STAP2: variants seen among roughly 807,000 people sequenced by gnomAD.
STAP2 encodes the protein signal transducing adaptor family member 2.
STAP2 carries 58 observed loss-of-function variants against 52.7 expected under a neutral mutation model. That is an observed-to-expected ratio of 1.10 (90% CI 0.89 to 1.37). STAP2 has a LOEUF of 1.37. STAP2 is among the 40% of genes most tolerant of loss of function. The pLI is 0.00. For missense variants in STAP2, 522 were observed against 519.4 expected (o/e 1.00, Z -0.05); for synonymous variants, 231 against 210.5 (o/e 1.10, Z -0.84).
chr19:4,332,211 T>C, intron 3 of STAP2, 133 bp from the exon 4 acceptor site: 1 of 598,330 alleles, frequency 1.7e-6, no homozygotes, highest in Non-Finnish European at 2.6e-6. Flanking sequence ...TTTTTTTTTT[T>C]TTTTTTTTTT....
rs1229833140 is a variant in STAP2 at position 4,327,308 on chromosome 19, A to G, written c.660+8T>C. 1.9e-6 allele frequency: 3 copies of G among 1,614,138 alleles called. No individual in the cohort carries two copies. The Admixed American group carries it at 5.0e-5, about 27-fold the overall frequency. Reference sequence around the variant, plus strand: ...AGTCACTTCTAGGGACTCTGGCCCAACGCTCACCGGCTGTTCCACATCGAT... The same window carrying G: ...AGTCACTTCTAGGGACTCTGGCCCAGCGCTCACCGGCTGTTCCACATCGAT... On this transcript the variant is annotated splice_region_variant and intron_variant, in intron 7 of 12. Transcript: ENST00000594605.
At chr19:4,336,315 T>C (rs924326904) in intron 1 of STAP2, among the ~76,000 whole-genome samples, 16 of 49,766 alleles carry the variant, frequency 3.2e-4, no homozygotes, top group Non-Finnish European at 5.6e-4. Flanking sequence ...GCACACTGCC[T>C]TTTTTTTTTT....
At position 4,327,002 on chromosome 19, in the gene STAP2, C is replaced by A. The variant is rs373184689; in HGVS notation, c.769G>T (p.Val257Leu). The change falls in exon 9 of 13, where the codon GTG becomes TTG. Residue 257 changes from valine (V) to leucine (L), a missense_variant. By Grantham distance (32) the Val-to-Leu change is conservative. Transcript: ENST00000594605. ...DEDYEKVLGY[V>L]EADKENGENV... ...TCGCCATTCTCCTTATCGGCTTCCA[C>A]GTAGCCTGGAACAGAGAGGGCGGCC... The A allele has an allele frequency of 1.9e-6, 3 of 1,561,112 alleles. No individual in the cohort carries two copies. Among genetic ancestry groups the A allele is most frequent in the Non-Finnish European group, 1.7e-6 (2 of 1,151,704 alleles).
intron 9 of STAP2, among the ~76,000 whole-genome samples, chr19:4,326,309 G>A (rs1014181855): frequency 4.6e-5 from 7 of 152,362 alleles, no homozygotes; most frequent in African/African-American, 1.7e-4. Flanking sequence ...CCGCACAAGT[G>A]TGTGTCACCT....
intron 7 of STAP2, 21 bp downstream of exon 7, chr19:4,327,295 G>A (rs762621476): frequency 6.2e-7 from 1 of 1,614,094 alleles, no homozygotes; most frequent in South Asian, 1.1e-5. Flanking sequence ...TCACTTCTAG[G>A]GACTCTGGCC....
In STAP2 at chr19:4,332,005, A is replaced by G. The variant is rs745744075; in HGVS notation, c.354+17T>C. The G allele has an allele frequency of 6.2e-7, 1 of 1,609,406 alleles. No individual in the cohort carries two copies. Among genetic ancestry groups the G allele is most frequent in the South Asian group, 1.1e-5 (1 of 90,120 alleles). On this transcript the variant is annotated intron_variant, in intron 4 of 12. Transcript: ENST00000594605. ...CTGGAGAATGGGAGAGAGGGCGCAG[A>G]GAGCCACTACTCTTACCTCCACCAC...
chr19:4,338,788 C>T lies in STAP2; in HGVS notation c.-35G>A. On this transcript the variant is annotated 5_prime_UTR_variant, in exon 1 of 13. Transcript: ENST00000594605. The stretch of plus-strand genomic sequence containing the variant: ...AGGGTCTTCCGCCTGGCCTCTCCTT[C>T]CAGTGGGTGCCCCAGCTGGGCCGGG... 6.3e-7 allele frequency: 1 copy of T among 1,589,020 alleles called. No homozygotes were observed. The highest frequency in any genetic ancestry group is 8.6e-7 in the Non-Finnish European group (1 of 1,164,078).
In STAP2 at chr19:4,333,956, T is replaced by TCCATTC; in HGVS notation, c.174+11_174+16dup. The TCCATTC allele has an allele frequency of 1.2e-6, 2 of 1,612,528 alleles. No homozygotes were observed. The highest frequency in any genetic ancestry group is 4.5e-5 in the East Asian group (2 of 44,852). The stretch of plus-strand genomic sequence containing the variant: ...TCAAGGGAAGGCCTGCTCTGGAGCC[T>TCCATTC]CCATTCCCATCCTTACCTGGAAGTC... On this transcript the variant is annotated intron_variant, in intron 2 of 12. Coordinates refer to ENST00000594605, the MANE Select transcript of STAP2 (RefSeq NM_001013841.2).
In STAP2 at chr19:4,324,472, G is replaced by A; in HGVS notation, c.1130C>T (p.Pro377Leu). The change falls in exon 12 of 13, where the codon CCT becomes CTT. Residue 377 changes from proline to leucine, a missense_variant. Transcript: ENST00000594605. ...CCCCTTACCGGCTGTGGGGAAGAGA[G>A]GCTGGGCTGAACTGACTGGCAGCTT... ...GRKLPVSSAQ[P>L]LFPTAGLADM... The A allele has an allele frequency of 6.4e-7, 1 of 1,574,166 alleles. No individual in the cohort carries two copies. The highest frequency in any genetic ancestry group is 8.6e-7 in the Non-Finnish European group (1 of 1,157,722).
At chr19:4,327,052 CG>C in intron 8 of STAP2, 45 bp from the exon 9 acceptor site, 1 of 1,599,308 alleles carries the variant, frequency 6.3e-7, no homozygotes, top group Non-Finnish European at 8.5e-7. Flanking sequence ...CGGCCAGGGG[CG>C]GCCCGGTCCG....
rs139570430 is a variant in STAP2 at position 4,325,515 on chromosome 19, G to A, written c.860C>T (p.Pro287Leu). ...GTCCTGGCTAGACGCAGGTGACAGC[G>A]GCTTGGGGCCACCTGTGCAGGGTGC... ...GPAPCTGGPK[P>L]LSPASSQDKL... Residue 287 changes from proline to leucine, a missense_variant, in exon 10 of 13, where the codon CCG (proline) becomes CTG (leucine). Transcript: ENST00000594605. 48 of 1,606,528 alleles carry A rather than the reference G, an allele frequency of 3.0e-5. No homozygotes were observed. The highest frequency in any genetic ancestry group is 3.7e-5 in the Non-Finnish European group (43 of 1,176,538).
chr19:4,329,091 C>T (rs1376830311), intron 5 of STAP2: 2 of 396,184 alleles, frequency 5.0e-6, no homozygotes, highest in Admixed American at 4.4e-5. Context: ...ACCTCCGCCT[C>T]CCGGGTTCAA....
In STAP2 at chr19:4,335,247, C is replaced by T. The variant is rs377348143; in HGVS notation, c.103-1203G>A. Among the ~76,000 whole-genome samples the T allele has an allele frequency of 8.6e-5, 13 of 151,870 alleles. No homozygotes were observed. In the East Asian group the frequency reaches 1.8e-3, roughly 20 times the overall value. ...ATCATCCATCCACCTACTCATCCATCCATCATCCATCCATGCATTCATCCA... is the reference window on the plus strand; with the variant it reads ...ATCATCCATCCACCTACTCATCCATTCATCATCCATCCATGCATTCATCCA... On this transcript the variant is annotated intron_variant, in intron 1 of 12. Transcript: ENST00000594605.
At chr19:4,337,169 T>C (rs1465389721) in intron 1 of STAP2, among the ~76,000 whole-genome samples, 1 of 151,484 alleles carries the variant, frequency 6.6e-6, no homozygotes, top group Non-Finnish European at 1.5e-5. Flanking sequence ...TTTGGGAGGC[T>C]GAGACAGGAG....
intron 9 of STAP2, among the ~76,000 whole-genome samples, chr19:4,326,439 A>T (rs1971793752): frequency 6.6e-6 from 1 of 152,106 alleles, no homozygotes; most frequent in Admixed American, 6.5e-5. Flanking sequence ...CCCACGCTAC[A>T]TTCCTTTCTA....
intron 11 of STAP2, 155 bp from the exon 12 acceptor site, chr19:4,324,684 T>C (rs1248891215): frequency 1.5e-6 from 1 of 658,300 alleles, no homozygotes; most frequent in Non-Finnish European, 2.5e-6. Context: ...ATACAAAAAT[T>C]AGATGGACGT....
Position 4,327,697 on chromosome 19 carries a change from A to G in STAP2, c.591-312T>C, listed in dbSNP as rs373390310. Reference sequence around the variant, plus strand: ...AGCGAGGGACCAGGCCAGACTGACAACACCCTAGGAAAGGTCCGCCCCTAA... The same window carrying G: ...AGCGAGGGACCAGGCCAGACTGACAGCACCCTAGGAAAGGTCCGCCCCTAA... On this transcript the variant is annotated intron_variant, in intron 6 of 12. Transcript: ENST00000594605. Among the ~76,000 whole-genome samples, 19 of 151,666 alleles carry G rather than the reference A, an allele frequency of 1.3e-4. 1 individual carries two copies. Among genetic ancestry groups the G allele is most frequent in the African/African-American group, 4.6e-4 (19 of 41,284 alleles).
chr19:4,328,553 G>A, intron 6 of STAP2, 122 bp downstream of exon 6: 2 of 1,359,718 alleles, frequency 1.5e-6, no homozygotes, highest in East Asian at 2.5e-5. Context: ...TCTCGGCTCT[G>A]GCTCCGTCCC....
chr19:4,326,598 A>G (rs1971795901), intron 9 of STAP2, among the ~76,000 whole-genome samples: 1 of 151,548 alleles, frequency 6.6e-6, no homozygotes, highest in Admixed American at 6.6e-5. Flanking sequence ...ACCTAAGGAG[A>G]TCCTTTGGGA....
Sources: allele counts gnomAD v4.1 joint callset (sites outside exome capture counted in the v4.1 genomes callset), GRCh38; gene constraint gnomAD v4.1.1; transcripts MANE v1.5; gene names NCBI Gene and HGNC (gene_info 2026-07-23, HGNC 2026-07-21).